Variants in CPEB3 observed in about 807,000 individuals in gnomAD.
The protein encoded by CPEB3 is cytoplasmic polyadenylation element binding protein 3.
In CPEB3, 20 loss-of-function variants were observed where a neutral mutation model predicts 67.2. That is an observed-to-expected ratio of 0.30 (90% CI 0.21 to 0.43). The LOEUF (loss-of-function observed/expected upper bound fraction) is 0.43. CPEB3 is among the 20% of genes least tolerant of loss of function. CPEB3 has a pLI of 1.00. For missense variants in CPEB3, 746 were observed against 968.6 expected, an observed-to-expected ratio of 0.77 and a Z score of 3.05; for synonymous variants, 376 against 393.1, an observed-to-expected ratio of 0.96 and a Z score of 0.51.
At chr10:92,113,634 T>A (rs1373181735) in intron 6 of CPEB3, among the ~76,000 whole-genome samples, 1 of 152,244 alleles carries the variant, frequency 6.6e-6, no homozygotes, top group Non-Finnish European at 1.5e-5. Context: ...TCTTATTCCT[T>A]GCCTCAAGAA....
In CPEB3 at chr10:92,060,122, C is replaced by T. The variant is rs1356574977; in HGVS notation, c.1870-7683G>A. Reference sequence around the variant, plus strand: ...CTGTAATCCTAGCACTTTGGGAGGCCGAGGTGGGTGAATCACTTGAGGTCA... The same window carrying T: ...CTGTAATCCTAGCACTTTGGGAGGCTGAGGTGGGTGAATCACTTGAGGTCA... On this transcript the variant is annotated intron_variant, in intron 9 of 9. Transcript: ENST00000265997. Among the ~76,000 whole-genome samples the T allele has an allele frequency of 6.6e-5, 10 of 151,610 alleles. 1 individual carries two copies. The highest frequency in any genetic ancestry group is 2.6e-4 in the Admixed American group (4 of 15,176).
rs1842813597 is a variant in CPEB3 at position 92,073,136 on chromosome 10, C to T, written c.1869+8184G>A. Among the ~76,000 whole-genome samples, 5 of 142,080 alleles carry T rather than the reference C, an allele frequency of 3.5e-5. No individual in the cohort carries two copies. The Admixed American group carries it at 3.7e-4, about 11-fold the overall frequency. 93.2% of individuals were successfully genotyped at this position (142,080 alleles called of 152,430 possible). A position where few individuals can be genotyped will look rare whatever the true frequency, so the allele number is the denominator to read the frequency against. On this transcript the variant is annotated intron_variant, in intron 9 of 9. Coordinates refer to ENST00000265997, the MANE Select transcript of CPEB3 (RefSeq NM_014912.5). ...CACTGCAGCCTCAAACTCCTGGGCT[C>T]AAGGAATCCTCCCATCCCAGTCTCC...
rs562608409 is a variant in CPEB3 at position 92,239,407 on chromosome 10, T to G, written c.944A>C (p.Lys315Thr). 1.2e-6 allele frequency: 2 copies of G among 1,605,428 alleles called. No individual in the cohort carries two copies. The highest frequency in any genetic ancestry group is 1.7e-6 in the Non-Finnish European group (2 of 1,175,854). The change falls in exon 2 of 10, where the codon AAG (lysine) becomes ACG (threonine). Residue 315 changes from lysine (K) to threonine (T), a missense_variant. Around this residue, in one of 2 missense-constraint regions of CPEB3, gnomAD observed 643 missense variants for 717.5 expected, o/e 0.90. Coordinates refer to ENST00000265997, the MANE Select transcript of CPEB3 (RefSeq NM_014912.5). This position sits in a 1 kb window ranked among gnomAD's most constrained non-coding sequence, Gnocchi z 6.0. ...GAAAGCGTTATCCTCCATCCAGGAC[T>G]TGGAAGTGAGAGGGGCCGCGCGAGG... is the stretch of plus-strand genomic sequence containing the variant. ...KFPRAAPLTS[K>T]SWMEDNAFRT...
chr10:92,203,434 A>T (rs1849620635), intron 2 of CPEB3, among the ~76,000 whole-genome samples: 1 of 138,272 alleles, frequency 7.2e-6, no homozygotes, highest in Admixed American at 7.0e-5. Context: ...ATACGTATAT[A>T]TGTATATGTA....
chr10:92,058,747 C>A (rs1099379), intron 9 of CPEB3, among the ~76,000 whole-genome samples: 48,451 of 151,664 alleles, frequency 0.32, 9,323 homozygotes, highest in South Asian at 0.56. Context: ...GCTAGATCTT[C>A]TAGACCAAAA....
intron 6 of CPEB3, among the ~76,000 whole-genome samples, chr10:92,134,737 G>C (rs1339480694): frequency 6.6e-6 from 1 of 151,892 alleles, no homozygotes; most frequent in Non-Finnish European, 1.5e-5. Flanking sequence ...CAAAGCTGGA[G>C]GCATCATGCT....
chr10:92,086,341 A>C (rs560187463), intron 8 of CPEB3, among the ~76,000 whole-genome samples: 1 of 152,340 alleles, frequency 6.6e-6, no homozygotes, highest in African/African-American at 2.4e-5. Flanking sequence ...AAGTGGAAGA[A>C]ATGTGCTCAT....
chr10:92,168,226 A>T lies in CPEB3; in HGVS notation c.1222+12737T>A, dbSNP rs575019227. Among the ~76,000 whole-genome samples the T allele has an allele frequency of 5.3e-5, 8 of 152,334 alleles. No homozygotes were observed. The South Asian group carries it at 1.7e-3, about 32-fold the overall frequency. The stretch of plus-strand genomic sequence containing the variant: ...ATAAGAAAATATATCCTGTATTCTC[A>T]CCAACTGAACTTTTGCAACATTCTG... On this transcript the variant is annotated intron_variant, in intron 4 of 9. Transcript: ENST00000265997.
chr10:92,289,011 C>T (rs998479096), intron 1 of CPEB3, among the ~76,000 whole-genome samples: 1 of 152,110 alleles, frequency 6.6e-6, no homozygotes, highest in Admixed American at 6.6e-5. Context: ...TATGGGAGGC[C>T]GAGGCAGGCA....
intron 9 of CPEB3, among the ~76,000 whole-genome samples, chr10:92,079,650 T>A (rs1843062119): frequency 1.3e-5 from 2 of 152,202 alleles, no homozygotes; most frequent in South Asian, 4.1e-4. Context: ...AAGCCCTGGC[T>A]CTTGTAGTTT....
intron 1 of CPEB3, among the ~76,000 whole-genome samples, chr10:92,242,070 T>C (rs1851874587): frequency 6.6e-6 from 1 of 152,206 alleles, no homozygotes; most frequent in South Asian, 2.1e-4. Flanking sequence ...ATGCAAAATA[T>C]ATCAGACAAA....
intron 9 of CPEB3, 21 bp from the exon 10 acceptor site, chr10:92,052,460 C>T (rs1590034090): frequency 6.3e-7 from 1 of 1,591,448 alleles, no homozygotes; most frequent in African/African-American, 1.3e-5. Context: ...AGAGGAAAGA[C>T]AGAGAAAAAT....
intron 4 of CPEB3, among the ~76,000 whole-genome samples, chr10:92,169,086 C>T (rs895813826): frequency 1.3e-5 from 2 of 150,804 alleles, no homozygotes; most frequent in African/African-American, 4.9e-5. Context: ...GTGAGCTAAC[C>T]GTGCCTGGCC....
rs139257289 is a variant in CPEB3 at position 92,240,060 on chromosome 10, C to G, written c.291G>C (p.Ala97=). The G allele has an allele frequency of 6.3e-7, 1 of 1,593,676 alleles. No individual in the cohort carries two copies. The highest frequency in any genetic ancestry group is 8.5e-7 in the Non-Finnish European group (1 of 1,170,146). Residue 97 remains alanine (A), a synonymous_variant, in exon 2 of 10, where the codon GCG becomes GCC. Coordinates refer to ENST00000265997, the MANE Select transcript of CPEB3 (RefSeq NM_014912.5). ...PQQPPPPQEP[A]APGASLSPSF... ...ACGGCGACAGCGACGCGCCCGGTGC[C>G]GCGGGCTCCTGAGGCGGCGGCGGCT...
chr10:92,283,299 G>T (rs966419022), intron 1 of CPEB3, among the ~76,000 whole-genome samples: 1 of 152,008 alleles, frequency 6.6e-6, no homozygotes, highest in African/African-American at 2.4e-5. Context: ...CTTTACTGAA[G>T]AACTTTCAGT....
At chr10:92,209,614 G>A (rs1360873810) in intron 2 of CPEB3, among the ~76,000 whole-genome samples, 1 of 152,100 alleles carries the variant, frequency 6.6e-6, no homozygotes, top group South Asian at 2.1e-4. Context: ...TTCCTTCAAT[G>A]AGACTATCAG....
intron 4 of CPEB3, among the ~76,000 whole-genome samples, chr10:92,167,336 C>T (rs1045594302): frequency 6.6e-6 from 1 of 152,240 alleles, no homozygotes; most frequent in African/African-American, 2.4e-5. Flanking sequence ...TAGCCTGTCT[C>T]AGCTTTCAAC....
chr10:92,138,063 T>G (rs1590218984), intron 6 of CPEB3: 1 of 154,716 alleles, frequency 6.5e-6, no homozygotes, highest in Admixed American at 6.5e-5. Flanking sequence ...CTTCACTGTC[T>G]CTGCCATGCA....
chr10:92,290,550 G>T (rs1192092615), intron 1 of CPEB3, among the ~76,000 whole-genome samples: 2 of 152,156 alleles, frequency 1.3e-5, no homozygotes, highest in Admixed American at 1.3e-4. Context: ...TCCTGGAGAG[G>T]GAGAGAATCA....
Sources: gnomAD v4.1 joint callset for allele counts (sites outside exome capture counted in the v4.1 genomes callset) on GRCh38, gnomAD v4.1.1 for gene constraint, gnomAD v4.1.1 regional missense constraint, Gnocchi (gnomAD v3.1) non-coding constraint, MANE v1.5 for transcripts, NCBI Gene and HGNC (gene_info 2026-07-23, HGNC 2026-07-21) for gene names.